GABRA3: variants seen among roughly 807,000 people sequenced by gnomAD.
The protein encoded by GABRA3 is gamma-aminobutyric acid receptor subunit alpha-3.
GABRA3 carries 10 observed loss-of-function variants against 30.1 expected under a neutral mutation model. That is an observed-to-expected ratio of 0.33 (90% CI 0.20 to 0.56). The LOEUF (loss-of-function observed/expected upper bound fraction) is 0.56, where lower values mean the gene tolerates loss of function less well. Among genes scored for constraint, GABRA3 ranks in the 20% least tolerant of loss-of-function variants. The pLI is 0.89. For missense variants in GABRA3, 233 were observed against 392.0 expected, an observed-to-expected ratio of 0.59 and a Z score of 3.42; for synonymous variants, 151 against 146.8, an observed-to-expected ratio of 1.03 and a Z score of -0.21.
Position 152,412,095 on chromosome X carries a change from A to C in GABRA3, c.-27+39051T>G, listed in dbSNP as rs114703714. Among the ~76,000 whole-genome samples, 293 of 111,994 alleles carry C rather than the reference A, an allele frequency of 2.6e-3. 3 individuals carry two copies. The highest frequency in any genetic ancestry group is 8.9e-3 in the African/African-American group (276 of 30,933). On this transcript the variant is annotated intron_variant, in intron 1 of 9. Coordinates refer to ENST00000370314, the MANE Select transcript of GABRA3 (RefSeq NM_000808.4). Reference sequence around the variant, plus strand: ...AAAAATGTTCAACATCATTTAGCCAACATGAAATGCAAATAAAAATTGTAA... The same window carrying C: ...AAAAATGTTCAACATCATTTAGCCACCATGAAATGCAAATAAAAATTGTAA...
At chrX:152,375,024 T>G (rs2124503334) in intron 1 of GABRA3, among the ~76,000 whole-genome samples, 1 of 111,505 alleles carries the variant, frequency 9.0e-6, no homozygotes, top group South Asian at 3.8e-4. Flanking sequence ...CAGGACCATG[T>G]TCATGGATAG....
At chrX:152,200,676 C>T (rs901218573) in intron 7 of GABRA3, among the ~76,000 whole-genome samples, 2 of 111,143 alleles carry the variant, frequency 1.8e-5, no homozygotes, top group Admixed American at 9.6e-5. Flanking sequence ...TCTCACATTT[C>T]CAAACGCTAC....
At chrX:152,216,389 AAC>A (rs60255687) in intron 6 of GABRA3, among the ~76,000 whole-genome samples, 10,680 of 77,267 alleles carry the variant, frequency 0.14, 777 homozygotes, top group Non-Finnish European at 0.18. Flanking sequence ...ATAATATATA[AAC>A]ACACACACAC....
intron 8 of GABRA3, among the ~76,000 whole-genome samples, chrX:152,195,851 G>A (rs1174949372): frequency 9.0e-6 from 1 of 111,300 alleles, no homozygotes; most frequent in Non-Finnish European, 1.9e-5. Context: ...CCAAGTTCCA[G>A]GGACTAGAAT....
At chrX:152,365,179 C>T (rs1045122263) in intron 1 of GABRA3, among the ~76,000 whole-genome samples, 2 of 111,261 alleles carry the variant, frequency 1.8e-5, no homozygotes, top group Non-Finnish European at 3.8e-5. Context: ...AACAATTTTC[C>T]AAAAGATTAA....
Position 152,231,239 on chromosome X carries a change from A to T in GABRA3, c.552-6394T>A, listed in dbSNP as rs867678184. On this transcript the variant is annotated intron_variant, in intron 5 of 9. Coordinates refer to ENST00000370314, the MANE Select transcript of GABRA3 (RefSeq NM_000808.4). ...TACATACACGTATATATACACACAT[A>T]TGTATACATACACGTATATGTATAT... Among the ~76,000 whole-genome samples the T allele has an allele frequency of 1.7e-4, 18 of 108,135 alleles. 1 individual carries two copies. Among genetic ancestry groups the T allele is most frequent in the South Asian group, 3.8e-4 (1 of 2,608 alleles). The allele number at this position is 108,135 out of a possible 115,157, so 93.9% of individuals were successfully genotyped here. A position where few individuals can be genotyped will look rare whatever the true frequency, so the allele number is the denominator to read the frequency against.
At chrX:152,308,505 G>A (rs1316326945) in intron 3 of GABRA3, among the ~76,000 whole-genome samples, 1 of 112,236 alleles carries the variant, frequency 8.9e-6, no homozygotes, top group Non-Finnish European at 1.9e-5. Context: ...AGCCCTCCAG[G>A]ATTAGAGCAC....
chrX:152,177,138 T>C (rs995825040), intron 9 of GABRA3, among the ~76,000 whole-genome samples: 1 of 111,663 alleles, frequency 9.0e-6, no homozygotes, highest in South Asian at 3.7e-4. Context: ...ACTACACTTC[T>C]GGAAAATGGG....
Position 152,208,116 on chromosome X carries a change from A to G in GABRA3, c.663T>C (p.Tyr221=), listed in dbSNP as rs770565739. 6 of 1,209,874 alleles carry G rather than the reference A, an allele frequency of 5.0e-6. No homozygotes were observed. Among genetic ancestry groups the G allele is most frequent in the Non-Finnish European group, 6.7e-6 (6 of 894,789 alleles). The stretch of plus-strand genomic sequence containing the variant: ...ATTTGTTCTTTCCGAGAGTCCAAGA[A>G]TAAACCACTTCAGCTGTTGTATAGG... ...SYAYTTAEVV[Y]SWTLGKNKSV... is the part of the protein sequence containing the mutation. Residue 221 remains tyrosine (Y), a synonymous_variant, in exon 7 of 10, where the codon TAT becomes TAC. Transcript: ENST00000370314.
At chrX:152,420,222 A>T (rs1274365809) in intron 1 of GABRA3, among the ~76,000 whole-genome samples, 1 of 111,722 alleles carries the variant, frequency 9.0e-6, no homozygotes, top group Non-Finnish European at 1.9e-5. Context: ...GAAATAGAAG[A>T]TGCCTATGAT....
intron 3 of GABRA3, among the ~76,000 whole-genome samples, chrX:152,302,057 A>C (rs1209952176): frequency 8.9e-6 from 1 of 111,772 alleles, no homozygotes; most frequent in Non-Finnish European, 1.9e-5. Context: ...TATTTCTAAA[A>C]AGACAATATA....
At chrX:152,214,735 T>A (rs1217827397) in intron 6 of GABRA3, among the ~76,000 whole-genome samples, 1 of 111,177 alleles carries the variant, frequency 9.0e-6, no homozygotes, top group Non-Finnish European at 1.9e-5. Flanking sequence ...TTTATTTGTG[T>A]CTTCCTCTAT....
intron 1 of GABRA3, among the ~76,000 whole-genome samples, chrX:152,389,998 C>T (rs755637511): frequency 1.7e-4 from 19 of 111,204 alleles, no homozygotes. Flanking sequence ...TAAAAAAATA[C>T]AACACAGGAA....
chrX:152,260,404 G>A (rs905326617), intron 4 of GABRA3, among the ~76,000 whole-genome samples: 1 of 110,867 alleles, frequency 9.0e-6, no homozygotes, highest in African/African-American at 3.3e-5. Flanking sequence ...CAGTAGCCAG[G>A]AAGTAGTTAC....
At chrX:152,206,423 G>C (rs1375669719) in intron 7 of GABRA3, among the ~76,000 whole-genome samples, 2 of 112,116 alleles carry the variant, frequency 1.8e-5, no homozygotes, top group Non-Finnish European at 3.8e-5. Context: ...GGGGACAGGA[G>C]GGTGTGTGAA....
chrX:152,259,926 A>C lies in GABRA3; in HGVS notation c.331-3928T>G, dbSNP rs778780314. On this transcript the variant is annotated intron_variant, in intron 4 of 9. Coordinates refer to ENST00000370314, the MANE Select transcript of GABRA3 (RefSeq NM_000808.4). ...TTGGCTTCAGTGTGTTAGAGCATCA[A>C]GCAGGCTCTTGGGGACCCTGATTTG... Among the ~76,000 whole-genome samples the C allele has an allele frequency of 3.4e-3, 380 of 110,363 alleles. 1 individual carries two copies. Among genetic ancestry groups the C allele is most frequent in the Non-Finnish European group, 6.1e-3 (323 of 52,851 alleles).
chrX:152,210,559 G>C (rs1430619144), intron 6 of GABRA3, among the ~76,000 whole-genome samples: 2 of 112,340 alleles, frequency 1.8e-5, no homozygotes, highest in East Asian at 5.6e-4. Context: ...GGCCTCGATT[G>C]ATTGAAGCCA....
intron 5 of GABRA3, among the ~76,000 whole-genome samples, chrX:152,237,614 C>G (rs1362890113): frequency 9.3e-6 from 1 of 107,400 alleles, no homozygotes; most frequent in Non-Finnish European, 1.9e-5. Context: ...GATATTGATT[C>G]TTCCTACCCA....
intron 2 of GABRA3, among the ~76,000 whole-genome samples, chrX:152,350,375 C>A (rs901807356): frequency 4.0e-5 from 4 of 99,838 alleles, no homozygotes; most frequent in African/African-American, 1.1e-4. Context: ...AAATTGACAC[C>A]CTAACATCAC....
Sources: allele counts gnomAD v4.1 joint callset (sites outside exome capture counted in the v4.1 genomes callset), GRCh38; gene constraint gnomAD v4.1.1; transcripts MANE v1.5; gene names NCBI Gene and HGNC (gene_info 2026-07-23, HGNC 2026-07-21).